Variants in MAGI2 observed in about 807,000 individuals in gnomAD.
MAGI2 encodes the protein membrane-associated guanylate kinase, WW and PDZ domain-containing protein 2.
Under a neutral mutation model 133.3 loss-of-function variants are expected in MAGI2, and 35 were observed. The ratio of observed to expected loss-of-function variants is 0.26; its 90% CI spans 0.20 to 0.35. The LOEUF is 0.35. MAGI2 is among the 10% of genes least tolerant of loss of function. MAGI2 has a pLI of 1.00. For synonymous variants in MAGI2, 729 were observed against 710.6 expected (o/e 1.03, Z -0.41); for missense variants, 1,636 against 1,863.4 (o/e 0.88, Z 2.25).
intron 3 of MAGI2, among the ~76,000 whole-genome samples, chr7:78,595,245 T>C (rs1311993696): frequency 1.3e-5 from 2 of 152,136 alleles, no homozygotes; most frequent in Non-Finnish European, 2.9e-5. Context: ...GCCATGCTGC[T>C]TGGAGTCAGA....
chr7:78,337,932 T>C (rs1032312368), intron 9 of MAGI2, among the ~76,000 whole-genome samples: 17 of 120,550 alleles, frequency 1.4e-4, no homozygotes, highest in Admixed American at 8.9e-4. Context: ...ATCCAAGAAG[T>C]ACTTATGAGC....
chr7:78,893,010 A>G lies in MAGI2; in HGVS notation c.418+114080T>C, dbSNP rs1418991807. ...CAGAGGGCTAATATCCAGAATCTAC[A>G]ATGAACTCAAACAAATTTACAAGAA... On this transcript the variant is annotated intron_variant, in intron 2 of 21. Transcript: ENST00000354212. Among the ~76,000 whole-genome samples, 6 of 152,278 alleles carry G rather than the reference A, an allele frequency of 3.9e-5. No homozygotes were observed. The East Asian group carries it at 1.2e-3, about 29-fold the overall frequency.
chr7:78,109,264 A>G (rs1297440518), intron 20 of MAGI2, among the ~76,000 whole-genome samples: 2 of 124,626 alleles, frequency 1.6e-5, no homozygotes, highest in East Asian at 2.9e-4. Flanking sequence ...ACATCGAGCC[A>G]CTGCAGTCCA....
intron 19 of MAGI2, 95 bp downstream of exon 19, chr7:78,127,102 A>G: frequency 1.0e-6 from 1 of 990,616 alleles, no homozygotes; most frequent in Non-Finnish European, 1.5e-6. Context: ...TCTCCATCCC[A>G]GACAGGTACT....
chr7:78,528,979 ATGTT>A (rs773241513), intron 3 of MAGI2, among the ~76,000 whole-genome samples: 5 of 151,996 alleles, frequency 3.3e-5, no homozygotes, highest in East Asian at 3.9e-4. Flanking sequence ...AAAAGTGGGA[ATGTT>A]TGTTTTTTTT....
chr7:78,037,416 C>G (rs954962037), intron 21 of MAGI2, among the ~76,000 whole-genome samples: 4 of 152,314 alleles, frequency 2.6e-5, no homozygotes, highest in Middle Eastern at 3.4e-3. Flanking sequence ...CTATTTGGAA[C>G]CATCTGAGCC....
At chr7:78,652,517 T>C (rs2151017260) in intron 2 of MAGI2, among the ~76,000 whole-genome samples, 1 of 152,100 alleles carries the variant, frequency 6.6e-6, no homozygotes, top group African/African-American at 2.4e-5. Context: ...ACAAAAGCAA[T>C]GGGGAAAGGG....
At chr7:78,756,692 T>C (rs739897) in intron 2 of MAGI2, among the ~76,000 whole-genome samples, 12,333 of 152,142 alleles carry the variant, frequency 0.081, 713 homozygotes, top group East Asian at 0.24. Context: ...TCCTCTACAA[T>C]CCCAACTCAG....
At chr7:78,438,954 G>T (rs1488979795) in intron 6 of MAGI2, among the ~76,000 whole-genome samples, 1 of 152,104 alleles carries the variant, frequency 6.6e-6, no homozygotes, top group Non-Finnish European at 1.5e-5. Context: ...GAATTAGCTG[G>T]AATTAACTGC....
At chr7:78,215,610 T>C (rs1397926855) in intron 10 of MAGI2, among the ~76,000 whole-genome samples, 1 of 152,196 alleles carries the variant, frequency 6.6e-6, no homozygotes, top group Non-Finnish European at 1.5e-5. Flanking sequence ...AGTCCATTCT[T>C]TTGCCAACTC....
At chr7:78,875,183 A>AGG (rs1191143488) in intron 2 of MAGI2, among the ~76,000 whole-genome samples, 1 of 152,204 alleles carries the variant, frequency 6.6e-6, no homozygotes, top group Non-Finnish European at 1.5e-5. Context: ...AAAAATAGGC[A>AGG]GGATAATAAA....
At chr7:78,521,372 T>C (rs1480126999) in intron 4 of MAGI2, 58 bp downstream of exon 4, 2 of 1,255,322 alleles carry the variant, frequency 1.6e-6, no homozygotes, top group African/African-American at 3.0e-5. Context: ...TGTGTACATA[T>C]ATATCTTAGA....
chr7:79,286,240 T>C (rs968089772), intron 1 of MAGI2, among the ~76,000 whole-genome samples: 1 of 152,050 alleles, frequency 6.6e-6, no homozygotes, highest in Non-Finnish European at 1.5e-5. Context: ...ATATAAGTAA[T>C]AAATATAAAG....
At chr7:79,369,399 T>C (rs940150554) in intron 1 of MAGI2, among the ~76,000 whole-genome samples, 2 of 152,192 alleles carry the variant, frequency 1.3e-5, no homozygotes, top group African/African-American at 2.4e-5. Flanking sequence ...ACATACATGA[T>C]TCACTCAATG....
chr7:78,995,653 G>A (rs1806217888), intron 2 of MAGI2, among the ~76,000 whole-genome samples: 1 of 152,114 alleles, frequency 6.6e-6, no homozygotes. Flanking sequence ...GAAATAGACT[G>A]TAATAGTCTA....
At chr7:79,074,853 T>C (rs1815324864) in intron 1 of MAGI2, among the ~76,000 whole-genome samples, 1 of 152,192 alleles carries the variant, frequency 6.6e-6, no homozygotes, top group African/African-American at 2.4e-5. Flanking sequence ...AGCTACGATA[T>C]AGAGACATCC....
intron 2 of MAGI2, among the ~76,000 whole-genome samples, chr7:78,880,232 A>C (rs1034840303): frequency 6.6e-6 from 1 of 152,192 alleles, no homozygotes; most frequent in Admixed American, 6.5e-5. Flanking sequence ...AACAATTGTG[A>C]TATACTATAC....
At chr7:78,244,590 T>C (rs1055596333) in intron 10 of MAGI2, among the ~76,000 whole-genome samples, 1 of 152,194 alleles carries the variant, frequency 6.6e-6, no homozygotes, top group Non-Finnish European at 1.5e-5. Context: ...AGCATAACTT[T>C]AATAGTAAAA....
intron 9 of MAGI2, among the ~76,000 whole-genome samples, chr7:78,298,939 C>T (rs1374231930): frequency 6.6e-6 from 1 of 151,676 alleles, no homozygotes; most frequent in Admixed American, 6.6e-5. Flanking sequence ...TCTCAGCCTC[C>T]CGAGTAGCTG....
Sources: gnomAD v4.1 joint callset for allele counts (sites outside exome capture counted in the v4.1 genomes callset) on GRCh38, gnomAD v4.1.1 for gene constraint, MANE v1.5 for transcripts, NCBI Gene and HGNC (gene_info 2026-07-23, HGNC 2026-07-21) for gene names.